Variants in CCT4 observed in about 807,000 individuals in gnomAD.
The protein encoded by CCT4 is chaperonin containing TCP1 subunit 4.
A neutral mutation model predicts 62.5 loss-of-function variants in CCT4; 17 were observed. The observed-to-expected ratio is 0.27, with a 90% CI of 0.19 to 0.41. The LOEUF is 0.41. Ranked by LOEUF, CCT4 falls within the 10% of genes least tolerant of loss-of-function variation. The pLI is 1.00. For missense variants in CCT4, 592 were observed against 659.2 expected (o/e 0.90, Z 1.12); for synonymous variants, 250 against 229.9 (o/e 1.09, Z -0.79).
At chr2:61,878,511 C>G (rs1669046727) in intron 5 of CCT4, among the ~76,000 whole-genome samples, 1 of 152,158 alleles carries the variant, frequency 6.6e-6, no homozygotes, top group African/African-American at 2.4e-5. Flanking sequence ...CAATGCCCAC[C>G]ATATTAAATA....
At chr2:61,875,260 A>C (rs1400055950) in intron 8 of CCT4, among the ~76,000 whole-genome samples, 1 of 151,538 alleles carries the variant, frequency 6.6e-6, no homozygotes, top group Admixed American at 6.6e-5. Context: ...CTGGTGGTTT[A>C]CCCAACTCAA....
rs778257396 is a variant in CCT4 at position 61,872,470 on chromosome 2, A to G, written c.1244T>C (p.Leu415Ser). 1.9e-6 allele frequency: 3 copies of G among 1,612,604 alleles called. No individual in the cohort carries two copies. Among genetic ancestry groups the G allele is most frequent in the Non-Finnish European group, 2.5e-6 (3 of 1,179,140 alleles). ...ACACTGACATTACCTCTTCTTCACT[A>G]AACAACGAATAACACATAGGGCATC... ...IHDALCVIRC[L>S]VKKRALIAGG... The change falls in exon 11 of 14, where the codon TTA becomes TCA. Residue 415 changes from leucine (L) to serine (S), a missense_variant. By Grantham distance (145) the Leu-to-Ser change is moderately radical (BLOSUM62 -2). Around this residue, in one of 3 missense-constraint regions of CCT4, gnomAD observed 522 missense variants for 571.2 expected, o/e 0.91. Coordinates refer to ENST00000394440, the MANE Select transcript of CCT4 (RefSeq NM_006430.4).
chr2:61,872,627 C>A, intron 10 of CCT4, 39 bp from the exon 11 acceptor site: 1 of 1,607,384 alleles, frequency 6.2e-7, no homozygotes, highest in South Asian at 1.1e-5. Context: ...TTTGAAGGGT[C>A]AAAAAAACCC....
intron 5 of CCT4, 112 bp downstream of exon 5, chr2:61,878,755 AAC>A (rs1669050898): frequency 1.2e-5 from 8 of 659,732 alleles, no homozygotes; most frequent in Non-Finnish European, 1.7e-5. Flanking sequence ...TACAGATTAT[AAC>A]AGTTACCTAG....
Position 61,876,983 on chromosome 2 carries a change from T to C in CCT4, c.714A>G (p.Ile238Met), listed in dbSNP as rs537165493. 35 of 1,613,368 alleles carry C rather than the reference T, an allele frequency of 2.2e-5. No homozygotes were observed. Among genetic ancestry groups the C allele is most frequent in the Non-Finnish European group, 3.0e-5 (35 of 1,179,422 alleles). ...CAATCTTGGCCTTTTCAACTCTGGT[T>C]ATGCCAGAATTTGACACTTTTTGGG... ...VLTQKVSNSG[I>M]TRVEKAKIGL... Residue 238 changes from isoleucine to methionine, a missense_variant, in exon 7 of 14, where the codon ATA (isoleucine) becomes ATG (methionine). By Grantham distance (10) the Ile-to-Met change is conservative (BLOSUM62 1). Around this residue, in one of 3 missense-constraint regions of CCT4, gnomAD observed 522 missense variants for 571.2 expected, o/e 0.91. Coordinates refer to ENST00000394440, the MANE Select transcript of CCT4 (RefSeq NM_006430.4).
At position 61,876,125 on chromosome 2, in the gene CCT4, T is replaced by C; in HGVS notation, c.887A>G (p.Asn296Ser). Residue 296 changes from asparagine to serine, a missense_variant, in exon 8 of 14, where the codon AAT becomes AGT. Around this residue, in one of 3 missense-constraint regions of CCT4, gnomAD observed 522 missense variants for 571.2 expected, o/e 0.91. Coordinates refer to ENST00000394440, the MANE Select transcript of CCT4 (RefSeq NM_006430.4). ...AATAGATTTCTGTATGAGAAGGACA[T>C]TACATCCTGTTTTTTTAATTTGCTT... is the stretch of plus-strand genomic sequence containing the variant. ...LVKQIKKTGC[N>S]VLLIQKSILR... 1 of 1,605,186 alleles carries C rather than the reference T, an allele frequency of 6.2e-7. No individual in the cohort carries two copies. The highest frequency in any genetic ancestry group is 8.5e-7 in the Non-Finnish European group (1 of 1,172,252).
At chr2:61,884,228 A>G (rs1669190858) in intron 2 of CCT4, among the ~76,000 whole-genome samples, 1 of 152,238 alleles carries the variant, frequency 6.6e-6, no homozygotes, top group African/African-American at 2.4e-5. Flanking sequence ...CATTAAACAA[A>G]ATATGAATTA....
intron 1 of CCT4, among the ~76,000 whole-genome samples, chr2:61,886,544 G>A (rs6757672): frequency 0.6 from 90,807 of 152,046 alleles, 27,771 homozygotes; most frequent in Middle Eastern, 0.76. Flanking sequence ...TAATCCCAGC[G>A]CTTTGCGAAG....
At chr2:61,871,646 T>C (rs976501265) in intron 12 of CCT4, among the ~76,000 whole-genome samples, 1 of 152,252 alleles carries the variant, frequency 6.6e-6, no homozygotes, top group African/African-American at 2.4e-5. Flanking sequence ...GTGATATTAT[T>C]ACCATATGAT....
In CCT4 at chr2:61,877,527, A is replaced by G; in HGVS notation, c.523-13T>C. 1 of 969,070 alleles carries G rather than the reference A, an allele frequency of 1.0e-6. No homozygotes were observed. The highest frequency in any genetic ancestry group is 1.3e-6 in the Non-Finnish European group (1 of 768,924). The allele number at this position is 969,070 out of a possible 1,614,324, so 60.0% of individuals were successfully genotyped here. ...ACTGAGAAACCACCTAGAATTATTA[A>G]AAAAAAAAAAAAGTTACCTTCACAG... On this transcript the variant is annotated splice_polypyrimidine_tract_variant and intron_variant, in intron 5 of 13. Coordinates refer to ENST00000394440, the MANE Select transcript of CCT4 (RefSeq NM_006430.4).
intron 2 of CCT4, 35 bp from the exon 3 acceptor site, chr2:61,883,583 C>A: frequency 1.0e-6 from 1 of 991,776 alleles, no homozygotes; most frequent in South Asian, 1.4e-5. Flanking sequence ...ATTTCAATGT[C>A]ACACCTTAAT....
At chr2:61,880,578 T>C (rs1054894805) in intron 3 of CCT4, among the ~76,000 whole-genome samples, 184 bp from the exon 4 acceptor site, 1 of 152,228 alleles carries the variant, frequency 6.6e-6, no homozygotes, top group African/African-American at 2.4e-5. Flanking sequence ...TGATCTCCAG[T>C]TCAGATTGTG....
intron 8 of CCT4, among the ~76,000 whole-genome samples, chr2:61,873,930 G>GC (rs1294657293): frequency 1.3e-5 from 2 of 151,760 alleles, no homozygotes; most frequent in Admixed American, 1.3e-4. Flanking sequence ...TGAACTCAGG[G>GC]CTCAAGTGAT....
chr2:61,876,615 C>T (rs1669007018), intron 7 of CCT4, among the ~76,000 whole-genome samples: 4 of 152,104 alleles, frequency 2.6e-5, no homozygotes, highest in Non-Finnish European at 1.5e-5. Flanking sequence ...GGACTATTCA[C>T]AGGTCATGGA....
rs1338177393 is a variant in CCT4, at chr2:61,888,412, C to G, written c.96G>C (p.Gln32His). 1 of 1,613,252 alleles carries G rather than the reference C, an allele frequency of 6.2e-7. No homozygotes were observed. The highest frequency in any genetic ancestry group is 8.5e-7 in the Non-Finnish European group (1 of 1,179,700). ...CGGCGGAAATGTTGCTGAAGCGGAT[C>G]TGGGCTGGCTTGTCGCGGTCCTGAT... ...GAYQDRDKPA[Q>H]IRFSNISAAK... The change falls in exon 1 of 14, where the codon CAG becomes CAC. Residue 32 changes from glutamine (Q) to histidine (H), a missense_variant. Physicochemically the swap from Gln to His is conservative, Grantham distance 24. This residue lies in a region of CCT4 where 67 missense variants were observed against 71.1 expected (regional missense o/e 0.94). Coordinates refer to ENST00000394440, the MANE Select transcript of CCT4 (RefSeq NM_006430.4).
In CCT4 at chr2:61,886,814, C is replaced by A. The variant is rs565843101; in HGVS notation, c.127+1567G>T. 2.0e-5 allele frequency among the ~76,000 whole-genome samples: 3 copies of A among 151,722 alleles called. No individual in the cohort carries two copies. In the South Asian group the frequency reaches 6.2e-4, roughly 32 times the overall value. Reference sequence around the variant, plus strand: ...TTCGCTCGTCACCCTGGCTGGAGTGCAATGGCGCGACGTCAGTTCACGGCA... The same window carrying A: ...TTCGCTCGTCACCCTGGCTGGAGTGAAATGGCGCGACGTCAGTTCACGGCA... On this transcript the variant is annotated intron_variant, in intron 1 of 13. Coordinates refer to ENST00000394440, the MANE Select transcript of CCT4 (RefSeq NM_006430.4).
chr2:61,872,068 G>C lies in CCT4; in HGVS notation c.1491+14C>G. 1 of 1,518,944 alleles carries C rather than the reference G, an allele frequency of 6.6e-7. No individual in the cohort carries two copies. Among genetic ancestry groups the C allele is most frequent in the Non-Finnish European group, 9.1e-7 (1 of 1,095,638 alleles). The allele number at this position is 1,518,944 out of a possible 1,614,324, so 94.1% of individuals were successfully genotyped here. A position where few individuals can be genotyped will look rare whatever the true frequency, so the allele number is the denominator to read the frequency against. ...ATTAATCAATATTTTCTACATTAGA[G>C]ATTAAATGATTACCTTTCGGACATT... On this transcript the variant is annotated intron_variant, in intron 12 of 13. Transcript: ENST00000394440.
chr2:61,883,859 T>C (rs1464680655), intron 2 of CCT4, among the ~76,000 whole-genome samples: 2 of 152,062 alleles, frequency 1.3e-5, no homozygotes, highest in Non-Finnish European at 2.9e-5. Context: ...TCTTTAATGA[T>C]TTCTTATTAA....
At chr2:61,870,805 C>A (rs571094938) in intron 12 of CCT4, among the ~76,000 whole-genome samples, 22 of 152,032 alleles carry the variant, frequency 1.4e-4, no homozygotes, top group Middle Eastern at 3.4e-3. Context: ...GCCTGTAGTC[C>A]CAGCTACTCA....
Sources: allele counts gnomAD v4.1 joint callset (sites outside exome capture counted in the v4.1 genomes callset), GRCh38; gene constraint gnomAD v4.1.1; regional missense constraint gnomAD v4.1.1; transcripts MANE v1.5; gene names NCBI Gene and HGNC (gene_info 2026-07-23, HGNC 2026-07-21).